The following CSGALNACT1 variants were observed in gnomAD, a reference collection of about 807,000 sequenced individuals.
CSGALNACT1 encodes chondroitin sulfate N-acetylgalactosaminyltransferase 1, also known as beta4GalNAcT-1.
Under a neutral mutation model 51.0 loss-of-function variants are expected in CSGALNACT1, and 52 were observed. The observed-to-expected ratio is 1.02, with a 90% CI of 0.82 to 1.29. The LOEUF (loss-of-function observed/expected upper bound fraction) is 1.29. Among genes scored for constraint, CSGALNACT1 ranks in the 50% most tolerant of loss-of-function variants. The probability of loss-of-function intolerance (pLI) is 0.00; values close to 1 mark genes in which losing one functional copy is unlikely to be tolerated. For missense variants in CSGALNACT1, 935 were observed against 679.2 expected (o/e 1.38, Z -4.19); for synonymous variants, 341 against 254.4 (o/e 1.34, Z -3.24).
intron 2 of CSGALNACT1, among the ~76,000 whole-genome samples, chr8:19,594,601 T>C (rs573065624): frequency 1.3e-5 from 2 of 152,322 alleles, no homozygotes; most frequent in South Asian, 2.1e-4. Flanking sequence ...AGGAGTGCAA[T>C]GGCGTGATCT....
At chr8:19,503,691 A>C (rs1435533777) in intron 4 of CSGALNACT1, among the ~76,000 whole-genome samples, 1 of 152,012 alleles carries the variant, frequency 6.6e-6, no homozygotes, top group Non-Finnish European at 1.5e-5. Flanking sequence ...TCATGATTCT[A>C]ATTTTGAACT....
chr8:19,740,214 C>T lies in CSGALNACT1; in HGVS notation c.-297+17636G>A, dbSNP rs560052819. On this transcript the variant is annotated intron_variant, in intron 1 of 1. Transcript: ENST00000517494. ...CCACATCTGGTCCACAGGAAGCACA[C>T]ACAAATCTCTCCAACACGCTTGGCA... 7.8e-4 allele frequency among the ~76,000 whole-genome samples: 119 copies of T among 152,318 alleles called. 1 individual carries two copies. The South Asian group carries it at 0.024, about 31-fold the overall frequency.
At chr8:19,522,583 AG>A (rs1444923166) in intron 3 of CSGALNACT1, among the ~76,000 whole-genome samples, 2 of 152,166 alleles carry the variant, frequency 1.3e-5, no homozygotes, top group Non-Finnish European at 2.9e-5. Flanking sequence ...TGGGGACAAT[AG>A]ATTCCATAGT....
chr8:19,459,551 A>G (rs116922281), intron 4 of CSGALNACT1, among the ~76,000 whole-genome samples: 1 of 152,116 alleles, frequency 6.6e-6, no homozygotes, highest in Non-Finnish European at 1.5e-5. Flanking sequence ...AATATTCAGT[A>G]CAGTGGTATC....
At chr8:19,472,607 T>C (rs1763191521) in intron 4 of CSGALNACT1, among the ~76,000 whole-genome samples, 1 of 152,242 alleles carries the variant, frequency 6.6e-6, no homozygotes, top group Non-Finnish European at 1.5e-5. Flanking sequence ...CGAGTAAGAA[T>C]CTGAGACCAA....
At position 19,462,192 on chromosome 8, in the gene CSGALNACT1, A is replaced by G. The variant is rs538343550; in HGVS notation, c.635-3550T>C. On this transcript the variant is annotated intron_variant, in intron 4 of 9. Coordinates refer to ENST00000454498, the Ensembl canonical transcript of CSGALNACT1. ...TATTCGCCACAGAGGCCATATCTGCACAACTGAAACAGGTCTCCCCGTGTG... is the reference window on the plus strand; with the variant it reads ...TATTCGCCACAGAGGCCATATCTGCGCAACTGAAACAGGTCTCCCCGTGTG... Among the ~76,000 whole-genome samples the G allele has an allele frequency of 3.9e-5, 6 of 152,368 alleles. No individual in the cohort carries two copies. The South Asian group carries it at 1.2e-3, about 32-fold the overall frequency.
At chr8:19,667,008 AAAGAAAGAAAGGAAGG>A (rs2059374845) in intron 1 of CSGALNACT1, among the ~76,000 whole-genome samples, 31 of 31,444 alleles carry the variant, frequency 9.9e-4, no homozygotes, top group East Asian at 5.9e-3. Context: ...AGAAAGAAAG[AAAGAAAGAAAGGAAGG>A]AAGGAAGGAA....
chr8:19,557,046 A>C (rs1318922056), intron 3 of CSGALNACT1, among the ~76,000 whole-genome samples: 1 of 151,898 alleles, frequency 6.6e-6, no homozygotes, highest in African/African-American at 2.4e-5. Context: ...AGCAAAATTC[A>C]ATCTTGGGAA....
chr8:19,628,793 T>C (rs2054807375), intron 1 of CSGALNACT1, among the ~76,000 whole-genome samples: 1 of 151,998 alleles, frequency 6.6e-6, no homozygotes, highest in South Asian at 2.1e-4. Flanking sequence ...ATAAGCAATA[T>C]TTTTTAAGGA....
At chr8:19,530,659 A>C (rs1021607593) in intron 3 of CSGALNACT1, among the ~76,000 whole-genome samples, 17 of 152,250 alleles carry the variant, frequency 1.1e-4, no homozygotes, top group African/African-American at 4.1e-4. Context: ...TGAACCCAAG[A>C]GATCGGGGCT....
chr8:19,405,143 A>G (rs770413752), exon 10 of CSGALNACT1: 56 of 451,752 alleles, frequency 1.2e-4, no homozygotes, highest in Admixed American at 9.5e-5. Context: ...CACAAGGGAA[A>G]AAAAGTGCAT....
At chr8:19,502,768 C>T (rs1023553875) in intron 4 of CSGALNACT1, among the ~76,000 whole-genome samples, 2 of 152,192 alleles carry the variant, frequency 1.3e-5, no homozygotes, top group Admixed American at 6.5e-5. Context: ...AAATCTCAAA[C>T]CAGACCTTTC....
chr8:19,467,296 T>C (rs1032496377), intron 4 of CSGALNACT1, among the ~76,000 whole-genome samples: 12 of 151,916 alleles, frequency 7.9e-5, no homozygotes, highest in Admixed American at 5.2e-4. Flanking sequence ...ATTTTTTTTA[T>C]TTTTTAAGTA....
chr8:19,411,644 A>G (rs2055766603), intron 8 of CSGALNACT1, among the ~76,000 whole-genome samples: 1 of 152,136 alleles, frequency 6.6e-6, no homozygotes, highest in African/African-American at 2.4e-5. Flanking sequence ...GGAGTGTGTG[A>G]CTTCTTAGAA....
intron 6 of CSGALNACT1, among the ~76,000 whole-genome samples, chr8:19,435,573 C>T (rs1284781733): frequency 6.6e-6 from 1 of 152,038 alleles, no homozygotes; most frequent in South Asian, 2.1e-4. Flanking sequence ...CCATGAACCA[C>T]CCACATCAGC....
At chr8:19,562,118 C>T (rs1448939226) in intron 3 of CSGALNACT1, among the ~76,000 whole-genome samples, 1 of 152,174 alleles carries the variant, frequency 6.6e-6, no homozygotes, top group Non-Finnish European at 1.5e-5. Flanking sequence ...CTGAGCACCA[C>T]CATCCTGCCA....
At chr8:19,702,557 T>A (rs890089366) in intron 1 of CSGALNACT1, among the ~76,000 whole-genome samples, 2 of 152,064 alleles carry the variant, frequency 1.3e-5, no homozygotes, top group Non-Finnish European at 2.9e-5. Flanking sequence ...TCAACCTGCA[T>A]CTGCTCCCAG....
At chr8:19,654,861 T>G (rs979857344) in intron 1 of CSGALNACT1, among the ~76,000 whole-genome samples, 9 of 152,106 alleles carry the variant, frequency 5.9e-5, no homozygotes, top group Non-Finnish European at 1.0e-4. Flanking sequence ...CAGGTAATTT[T>G]TTAAAGTAAA....
At chr8:19,562,142 C>A (rs1002724011) in intron 3 of CSGALNACT1, among the ~76,000 whole-genome samples, 7 of 152,146 alleles carry the variant, frequency 4.6e-5, no homozygotes, top group Non-Finnish European at 1.0e-4. Context: ...CCACAGACCC[C>A]CCACAGCCAA....
Sources: gnomAD v4.1 joint callset for allele counts (sites outside exome capture counted in the v4.1 genomes callset) on GRCh38, gnomAD v4.1.1 for gene constraint, MANE v1.5 for transcripts, NCBI Gene and HGNC (gene_info 2026-07-23, HGNC 2026-07-21) for gene names.